Variants in GFOD1 observed in about 807,000 individuals in gnomAD.
GFOD1 encodes the protein glucose-fructose oxidoreductase domain-containing protein 1.
In GFOD1, 9 loss-of-function variants were observed where a neutral mutation model predicts 25.4. The ratio of observed to expected loss-of-function variants is 0.35; its 90% confidence interval spans 0.21 to 0.62. The LOEUF is 0.62. Ranked by LOEUF, GFOD1 falls within the 20% of genes least tolerant of loss-of-function variation. The pLI is 0.72. For missense variants in GFOD1, 403 were observed against 556.9 expected, an observed-to-expected ratio of 0.72 and a Z score of 2.78; for synonymous variants, 253 against 245.6, an observed-to-expected ratio of 1.03 and a Z score of -0.28.
chr6:13,425,886 G>A (rs60256548), intron 1 of GFOD1, among the ~76,000 whole-genome samples: 11 of 131,308 alleles, frequency 8.4e-5, no homozygotes, highest in Non-Finnish European at 1.1e-4. Flanking sequence ...AAAAAAAAAA[G>A]AAGAAGAAAG....
intron 1 of GFOD1, chr6:13,486,247 T>TCCCCCCCCC (rs373896526): frequency 2.0e-4 from 23 of 116,334 alleles, no homozygotes; most frequent in African/African-American, 7.4e-4. Context: ...CACCCCCCCA[T>TCCCCCCCCC]CCCCCCCCCC....
At chr6:13,424,956 CTTT>C (rs571287840) in intron 1 of GFOD1, among the ~76,000 whole-genome samples, 9 of 123,868 alleles carry the variant, frequency 7.3e-5, no homozygotes, top group South Asian at 2.7e-4. Context: ...ACATTTAATT[CTTT>C]TTTTTTTTTT....
chr6:13,384,126 C>A (rs1785419794), intron 1 of GFOD1, among the ~76,000 whole-genome samples: 1 of 152,172 alleles, frequency 6.6e-6, no homozygotes, highest in Non-Finnish European at 1.5e-5. Flanking sequence ...ACTCAGGAGG[C>A]TGAGGCAGGA....
At chr6:13,444,388 C>CAA (rs112422613) in intron 1 of GFOD1, among the ~76,000 whole-genome samples, 1,579 of 120,842 alleles carry the variant, frequency 0.013, 19 homozygotes, top group African/African-American at 0.044. Context: ...GGGAGAGAAG[C>CAA]AAAAAAAAAA....
intron 1 of GFOD1, among the ~76,000 whole-genome samples, chr6:13,381,341 AG>A (rs577270844): frequency 2.6e-5 from 4 of 152,218 alleles, no homozygotes; most frequent in Non-Finnish European, 5.9e-5. Context: ...AGGTGGCAGC[AG>A]CCCCATTTTA....
intron 1 of GFOD1, among the ~76,000 whole-genome samples, chr6:13,463,856 T>C (rs550199634): frequency 7.4e-4 from 112 of 152,258 alleles, no homozygotes; most frequent in Admixed American, 1.4e-3. Context: ...GATAAATATA[T>C]ATCTATCCAG....
intron 1 of GFOD1, among the ~76,000 whole-genome samples, chr6:13,429,841 T>C (rs922087486): frequency 6.6e-6 from 1 of 152,162 alleles, no homozygotes; most frequent in African/African-American, 2.4e-5. Flanking sequence ...ATATATACAT[T>C]ATTATACAAA....
chr6:13,478,235 G>A (rs1758672001), intron 1 of GFOD1, among the ~76,000 whole-genome samples: 1 of 152,072 alleles, frequency 6.6e-6, no homozygotes, highest in Non-Finnish European at 1.5e-5. Flanking sequence ...CACCTCCTGG[G>A]TTCAAGCGAT....
rs1042939893 is a variant in GFOD1 at position 13,475,579 on chromosome 6, G to A, written c.253+11059C>T. On this transcript the variant is annotated intron_variant, in intron 1 of 1. Transcript: ENST00000379287. ...AAAAAAAAAAAAAAATCAGCCAGGT[G>A]TGGTGACGGATGCCTGTAATCTCAG... Among the ~76,000 whole-genome samples, 6 of 151,680 alleles carry A rather than the reference G, an allele frequency of 4.0e-5. No homozygotes were observed. In the South Asian group the frequency reaches 1.0e-3, roughly 26 times the overall value.
chr6:13,476,763 T>A, intron 1 of GFOD1, among the ~76,000 whole-genome samples: 1 of 152,340 alleles, frequency 6.6e-6, no homozygotes, highest in African/African-American at 2.4e-5. Context: ...TTTTAAATCA[T>A]AACATTTTAA....
chr6:13,370,102 C>T (rs759419797), intron 1 of GFOD1, among the ~76,000 whole-genome samples: 2 of 152,212 alleles, frequency 1.3e-5, no homozygotes, highest in African/African-American at 2.4e-5. Context: ...TCTAGGGGAG[C>T]TGGCAGGTCC....
chr6:13,373,741 A>AACACACACACACACAC lies in GFOD1; in HGVS notation c.254-8095_254-8080dup, dbSNP rs10530031. On this transcript the variant is annotated intron_variant, in intron 1 of 1. Transcript: ENST00000379287. ...CTGCTAATCTCCTTCCTGCTCCCCC[A>AACACACACACACACAC]ACACACACACACACACACACACACA... 5.3e-3 allele frequency among the ~76,000 whole-genome samples: 683 copies of AACACACACACACACAC among 129,558 alleles called. 11 individuals carry two copies. Among genetic ancestry groups the AACACACACACACACAC allele is most frequent in the African/African-American group, 0.018 (597 of 33,060 alleles). 85.0% of individuals were successfully genotyped at this position (129,558 alleles called of 152,430 possible).
At chr6:13,422,951 C>T (rs190147341) in intron 1 of GFOD1, among the ~76,000 whole-genome samples, 26 of 152,274 alleles carry the variant, frequency 1.7e-4, no homozygotes, top group Admixed American at 7.2e-4. Flanking sequence ...ACCCAGCTTG[C>T]GTTAATTGGC....
At chr6:13,481,414 A>G (rs971206874) in intron 1 of GFOD1, among the ~76,000 whole-genome samples, 6 of 152,256 alleles carry the variant, frequency 3.9e-5, no homozygotes, top group Non-Finnish European at 7.3e-5. Context: ...TGGCCGGAAT[A>G]TAGAGTCCAG....
At chr6:13,373,274 C>T (rs985717048) in intron 1 of GFOD1, among the ~76,000 whole-genome samples, 30 of 152,252 alleles carry the variant, frequency 2.0e-4, no homozygotes, top group African/African-American at 6.3e-4. Context: ...GGAGAGGGAA[C>T]GTTTGAGCTG....
intron 1 of GFOD1, among the ~76,000 whole-genome samples, chr6:13,480,706 C>T (rs934980309): frequency 1.3e-5 from 2 of 152,080 alleles, no homozygotes; most frequent in Non-Finnish European, 2.9e-5. Flanking sequence ...AGGCTGATCT[C>T]GAAGTCCTGG....
chr6:13,409,141 GA>G (rs59857177), intron 1 of GFOD1, among the ~76,000 whole-genome samples: 1 of 25,332 alleles, frequency 3.9e-5, no homozygotes, highest in Non-Finnish European at 1.3e-4. Context: ...AAGAAAGAAA[GA>G]AAGAAAGAGA....
Position 13,360,815 on chromosome 6 carries a change from C to G in GFOD1, c.*3928G>C. 2.2e-6 allele frequency: 1 copy of G among 456,664 alleles called. No individual in the cohort carries two copies. Among genetic ancestry groups the G allele is most frequent in the Non-Finnish European group, 4.4e-6 (1 of 226,952 alleles). The allele number at this position is 456,664 out of a possible 1,614,324, so 28.3% of individuals were successfully genotyped here. A position where few individuals can be genotyped will look rare whatever the true frequency, so the allele number is the denominator to read the frequency against. On this transcript the variant is annotated 3_prime_UTR_variant, in exon 2 of 2. Transcript: ENST00000379287. ...GTCCTTCCTGGGTGTGAGAGCAGAC[C>G]CCGTAGACATTGATAAGGAGCGGTT...
At position 13,473,291 on chromosome 6, in the gene GFOD1, C is replaced by A. The variant is rs189882464; in HGVS notation, c.253+13347G>T. 4.6e-5 allele frequency among the ~76,000 whole-genome samples: 7 copies of A among 152,334 alleles called. No individual in the cohort carries two copies. In the East Asian group the frequency reaches 1.3e-3, roughly 29 times the overall value. On this transcript the variant is annotated intron_variant, in intron 1 of 1. Coordinates refer to ENST00000379287, the MANE Select transcript of GFOD1 (RefSeq NM_018988.4). ...TGTAAGCACCAAACCAGGGGCTGGGCACCCTTCAAGGCATCCTCTCAACAG... is the reference window on the plus strand; with the variant it reads ...TGTAAGCACCAAACCAGGGGCTGGGAACCCTTCAAGGCATCCTCTCAACAG...
Sources: gnomAD v4.1 joint callset for allele counts (sites outside exome capture counted in the v4.1 genomes callset) on GRCh38, gnomAD v4.1.1 for gene constraint, MANE v1.5 for transcripts, NCBI Gene and HGNC (gene_info 2026-07-23, HGNC 2026-07-21) for gene names.